DCAF12: variants seen among roughly 807,000 people sequenced by gnomAD.
DCAF12 encodes the protein DDB1- and CUL4-associated factor 12.
A neutral mutation model predicts 52.8 loss-of-function variants in DCAF12; 28 were observed. The observed-to-expected ratio is 0.53, with a 90% CI of 0.39 to 0.73. The LOEUF is 0.73. Ranked by LOEUF, DCAF12 falls within the 30% of genes least tolerant of loss-of-function variation. The probability of loss-of-function intolerance (pLI) is 0.00; values close to 1 mark genes in which losing one functional copy is unlikely to be tolerated. For missense variants in DCAF12, 425 were observed against 552.2 expected, an observed-to-expected ratio of 0.77 and a Z score of 2.31; for synonymous variants, 196 against 215.5, an observed-to-expected ratio of 0.91 and a Z score of 0.79.
chr9:34,115,097 A>G (rs1222525188), intron 2 of DCAF12, among the ~76,000 whole-genome samples: 1 of 152,182 alleles, frequency 6.6e-6, no homozygotes, highest in African/African-American at 2.4e-5. Flanking sequence ...CACAGACAAC[A>G]AGACACACTA....
chr9:34,120,404 C>A (rs1587742424), intron 2 of DCAF12, among the ~76,000 whole-genome samples: 1 of 151,688 alleles, frequency 6.6e-6, no homozygotes, highest in South Asian at 2.1e-4. Flanking sequence ...GGCATGGTGG[C>A]TCACGTTTGT....
At chr9:34,091,086 G>A (rs985095556) in intron 7 of DCAF12, among the ~76,000 whole-genome samples, 16 of 152,120 alleles carry the variant, frequency 1.1e-4, no homozygotes. Flanking sequence ...AGTACTTTGG[G>A]AGGCCCAAGG....
At chr9:34,097,654 C>T (rs1433615639) in intron 5 of DCAF12, among the ~76,000 whole-genome samples, 1 of 151,884 alleles carries the variant, frequency 6.6e-6, no homozygotes, top group Non-Finnish European at 1.5e-5. Context: ...GAATACTGGC[C>T]AGGCATGGTG....
In DCAF12 at chr9:34,125,020, T is replaced by C; in HGVS notation, c.333+3A>G. 1 of 1,612,768 alleles carries C rather than the reference T, an allele frequency of 6.2e-7. No homozygotes were observed. The highest frequency in any genetic ancestry group is 1.1e-5 in the South Asian group (1 of 91,020). The stretch of plus-strand genomic sequence containing the variant: ...GAGAGGTCACATCCCCCCAGGCACT[T>C]ACCGTGTTGCATTTTGTGCCACACA... On this transcript the variant is annotated splice_donor_region_variant and intron_variant, in intron 2 of 8. Transcript: ENST00000361264.
intron 2 of DCAF12, among the ~76,000 whole-genome samples, chr9:34,118,771 C>G (rs1465085191): frequency 6.6e-6 from 1 of 151,510 alleles, no homozygotes; most frequent in Non-Finnish European, 1.5e-5. Flanking sequence ...CAAAACCAGG[C>G]TGGCCAATAT....
In DCAF12 at chr9:34,125,246, T is replaced by C. The variant is rs1325799896; in HGVS notation, c.110A>G (p.Lys37Arg). 6.2e-7 allele frequency: 1 copy of C among 1,614,168 alleles called. No homozygotes were observed. Among genetic ancestry groups the C allele is most frequent in the Admixed American group, 1.7e-5 (1 of 60,006 alleles). The change falls in exon 2 of 9, where the codon AAA becomes AGA. Residue 37 changes from lysine (K) to arginine (R), a missense_variant. By Grantham distance (26) the Lys-to-Arg change is conservative. Transcript: ENST00000361264. ...GGATCTCTTCACAGGAGGAAGTCTT[T>C]TCCTTTTGTGAAGCGAGTGATCCCA... ...FGWDHSLHKRKRLPPVKRSLV... is the reference protein window; with the variant it reads ...FGWDHSLHKRRRLPPVKRSLV...
chr9:34,091,658 A>AAAAAC (rs1296910515), intron 7 of DCAF12, among the ~76,000 whole-genome samples: 4 of 151,282 alleles, frequency 2.6e-5, no homozygotes, highest in Non-Finnish European at 5.9e-5. Flanking sequence ...AAAAAAAAAA[A>AAAAAC]AAACCACAAA....
chr9:34,098,238 G>C, intron 5 of DCAF12, 86 bp downstream of exon 5: 1 of 1,384,932 alleles, frequency 7.2e-7, no homozygotes, highest in Admixed American at 1.9e-5. Flanking sequence ...TATGTAGCAA[G>C]CACTGATGGG....
intron 2 of DCAF12, among the ~76,000 whole-genome samples, chr9:34,122,724 C>T (rs912098730): frequency 3.9e-5 from 6 of 152,102 alleles, no homozygotes; most frequent in African/African-American, 1.2e-4. Context: ...GTGATCCGCC[C>T]GCCTTGGCCT....
intron 2 of DCAF12, among the ~76,000 whole-genome samples, chr9:34,108,351 A>T (rs1828938054): frequency 6.6e-6 from 1 of 152,226 alleles, no homozygotes. Context: ...CTGCCCTAAT[A>T]GATACACCTT....
At chr9:34,108,306 G>A (rs1448628025) in intron 2 of DCAF12, among the ~76,000 whole-genome samples, 1 of 152,160 alleles carries the variant, frequency 6.6e-6, no homozygotes, top group African/African-American at 2.4e-5. Flanking sequence ...TGTTCTAAGT[G>A]TTATGAACAC....
At chr9:34,102,677 A>ACAACAAC (rs1554700289) in intron 4 of DCAF12, among the ~76,000 whole-genome samples, 13 of 151,774 alleles carry the variant, frequency 8.6e-5, no homozygotes, top group African/African-American at 3.1e-4. Flanking sequence ...AACAACAACA[A>ACAACAAC]AAAACAAGAA....
intron 6 of DCAF12, chr9:34,096,325 T>C (rs1023902250): frequency 1.1e-5 from 2 of 186,224 alleles, no homozygotes; most frequent in Non-Finnish European, 2.3e-5. Context: ...GCTGCACTGA[T>C]CCATGAGCCA....
intron 2 of DCAF12, among the ~76,000 whole-genome samples, chr9:34,113,117 C>T (rs1009410571): frequency 6.6e-6 from 1 of 152,026 alleles, no homozygotes; most frequent in Non-Finnish European, 1.5e-5. Flanking sequence ...ATGGCATGAT[C>T]TTGGCTCACC....
In DCAF12 at chr9:34,088,225, T is replaced by C; in HGVS notation, c.*125A>G. On this transcript the variant is annotated 3_prime_UTR_variant, in exon 9 of 9. Coordinates refer to ENST00000361264, the MANE Select transcript of DCAF12 (RefSeq NM_015397.4). ...TTCTTCCTATTAAGTGCCTAAACTA[T>C]AGGCAAACTTTGGTGTTCCCACTAA... The C allele has an allele frequency of 9.0e-7, 1 of 1,110,568 alleles. No individual in the cohort carries two copies. 68.8% of individuals were successfully genotyped at this position (1,110,568 alleles called of 1,614,324 possible). A position where few individuals can be genotyped will look rare whatever the true frequency, so the allele number is the denominator to read the frequency against.
At chr9:34,119,164 TCTA>T (rs1331238779) in intron 2 of DCAF12, among the ~76,000 whole-genome samples, 1 of 152,184 alleles carries the variant, frequency 6.6e-6, no homozygotes, top group East Asian at 1.9e-4. Context: ...TGTTGCATAT[TCTA>T]CTACTGTATT....
intron 1 of DCAF12, among the ~76,000 whole-genome samples, chr9:34,125,976 G>A (rs1396199833): frequency 6.6e-6 from 1 of 152,120 alleles, no homozygotes; most frequent in East Asian, 1.9e-4. Flanking sequence ...CTTCCAGGAG[G>A]GACGCAATCA....
Position 34,093,346 on chromosome 9 carries a change from A to G in DCAF12, c.964T>C (p.Leu322=). ...TTGTATGATGGCTGCCGTGGATCCA[A>G]GAAGGAGACATGAGCTTGGGAGCCC... The part of the protein sequence containing the change: ...AVGSQAHVSF[L]DPRQPSYNVK... Residue 322 remains leucine, a synonymous_variant, in exon 7 of 9, where the codon TTG becomes CTG. Transcript: ENST00000361264. 1.9e-6 allele frequency: 3 copies of G among 1,614,220 alleles called. No individual in the cohort carries two copies. The highest frequency in any genetic ancestry group is 2.5e-6 in the Non-Finnish European group (3 of 1,180,012).
At chr9:34,091,873 T>C (rs1442934712) in intron 7 of DCAF12, among the ~76,000 whole-genome samples, 2 of 152,162 alleles carry the variant, frequency 1.3e-5, no homozygotes, top group Non-Finnish European at 2.9e-5. Flanking sequence ...TTCTGGTCCC[T>C]AGCTGTTCCC....
Sources: gnomAD v4.1 joint callset for allele counts (sites outside exome capture counted in the v4.1 genomes callset) on GRCh38, gnomAD v4.1.1 for gene constraint, MANE v1.5 for transcripts, NCBI Gene and HGNC (gene_info 2026-07-23, HGNC 2026-07-21) for gene names.